The following RNF170 variants were observed in gnomAD, a reference collection of about 807,000 sequenced individuals.
RNF170 encodes the protein E3 ubiquitin-protein ligase RNF170.
RNF170 carries 12 observed loss-of-function variants against 32.7 expected under a neutral mutation model. That is an observed-to-expected ratio of 0.37 (90% CI 0.24 to 0.60). The LOEUF (loss-of-function observed/expected upper bound fraction) is 0.60, where lower values mean the gene tolerates loss of function less well. Ranked by LOEUF, RNF170 falls within the 20% of genes least tolerant of loss-of-function variation. The pLI is 0.72. For synonymous variants in RNF170, 91 were observed against 103.6 expected (o/e 0.88, Z 0.74); for missense variants, 212 against 311.2 (o/e 0.68, Z 2.40).
intron 3 of RNF170, among the ~76,000 whole-genome samples, chr8:42,870,584 A>C (rs1804449389): frequency 6.6e-6 from 1 of 152,034 alleles, no homozygotes; most frequent in Non-Finnish European, 1.5e-5. Flanking sequence ...AAAATTAGCC[A>C]GGAGTGGTGG....
At chr8:42,888,198 T>C (rs559732046) in intron 1 of RNF170, among the ~76,000 whole-genome samples, 17 of 152,046 alleles carry the variant, frequency 1.1e-4, no homozygotes, top group African/African-American at 4.1e-4. Flanking sequence ...CCCAAGTAGC[T>C]GGGACTACAG....
chr8:42,853,744 A>G lies in RNF170; in HGVS notation c.*2415T>C. 7.8e-7 allele frequency: 1 copy of G among 1,287,234 alleles called. No homozygotes were observed. The highest frequency in any genetic ancestry group is 1.0e-6 in the Non-Finnish European group (1 of 988,672). 79.7% of individuals were successfully genotyped at this position (1,287,234 alleles called of 1,614,324 possible). Reference sequence around the variant, plus strand: ...CTCTCAGATCCCTTCTGCATTTATCATCAGAGATCGGTAAAGATGACAACA... The same window carrying G: ...CTCTCAGATCCCTTCTGCATTTATCGTCAGAGATCGGTAAAGATGACAACA... On this transcript the variant is annotated 3_prime_UTR_variant, in exon 7 of 7. Coordinates refer to ENST00000527424, the MANE Select transcript of RNF170 (RefSeq NM_030954.4).
chr8:42,875,747 T>G (rs907484303), intron 2 of RNF170, among the ~76,000 whole-genome samples: 1 of 152,154 alleles, frequency 6.6e-6, no homozygotes, highest in African/African-American at 2.4e-5. Context: ...TGGCTAATTT[T>G]TGTATTTTTA....
chr8:42,863,980 AGTGTGTGTGTGTGTGTGTGT>A (rs71231874), intron 5 of RNF170, among the ~76,000 whole-genome samples: 1 of 139,512 alleles, frequency 7.2e-6, no homozygotes, highest in African/African-American at 2.7e-5. Context: ...AGAGAGAGAG[AGTGTGTGTGTGTGTGTGTGT>A]GTGTGTGTGT....
intron 6 of RNF170, among the ~76,000 whole-genome samples, chr8:42,858,728 C>T (rs1279585751): frequency 1.3e-5 from 2 of 152,178 alleles, no homozygotes; most frequent in African/African-American, 4.8e-5. Flanking sequence ...GAGGAAGTGT[C>T]AGGTGTGACA....
chr8:42,851,577 AAAAG>A (rs1472272505), downstream of RNF170, among the ~76,000 whole-genome samples: 108 of 151,306 alleles, frequency 7.1e-4, 1 homozygote, highest in South Asian at 9.6e-3. Context: ...AAAAAAAAAA[AAAAG>A]AAAGAAAAAG....
chr8:42,855,513 GT>G lies in RNF170; in HGVS notation c.*645del. Reference sequence around the variant, plus strand: ...GGCGTGAGCCACCCCGCCCGGCCATGTTTTTCATCTTAATTCTTCTATTGAT... The same window carrying G: ...GGCGTGAGCCACCCCGCCCGGCCATGTTTTCATCTTAATTCTTCTATTGAT... On this transcript the variant is annotated 3_prime_UTR_variant, in exon 7 of 7. Coordinates refer to ENST00000527424, the MANE Select transcript of RNF170 (RefSeq NM_030954.4). 1.6e-6 allele frequency: 2 copies of G among 1,279,428 alleles called. No individual in the cohort carries two copies. The highest frequency in any genetic ancestry group is 2.0e-6 in the Non-Finnish European group (2 of 981,512). The allele number at this position is 1,279,428 out of a possible 1,614,324, so 79.3% of individuals were successfully genotyped here. A position where few individuals can be genotyped will look rare whatever the true frequency, so the allele number is the denominator to read the frequency against.
At chr8:42,875,986 G>C (rs1045879940) in intron 2 of RNF170, among the ~76,000 whole-genome samples, 6 of 152,092 alleles carry the variant, frequency 3.9e-5, no homozygotes, top group African/African-American at 1.4e-4. Flanking sequence ...CCCTGTCAAG[G>C]AGCAATCTAA....
chr8:42,854,801 C>T lies in RNF170; in HGVS notation c.*1358G>A, dbSNP rs939090835. 1.9e-5 allele frequency: 24 copies of T among 1,287,328 alleles called. No individual in the cohort carries two copies. Among genetic ancestry groups the T allele is most frequent in the East Asian group, 5.5e-5 (1 of 18,034 alleles). The allele number at this position is 1,287,328 out of a possible 1,614,324, so 79.7% of individuals were successfully genotyped here. A position where few individuals can be genotyped will look rare whatever the true frequency, so the allele number is the denominator to read the frequency against. Reference sequence around the variant, plus strand: ...CTGTCATACATTCACTAATGAGCAACGCCAGCTGAAGTGAGTAAGATCTCC... The same window carrying T: ...CTGTCATACATTCACTAATGAGCAATGCCAGCTGAAGTGAGTAAGATCTCC... On this transcript the variant is annotated 3_prime_UTR_variant, in exon 7 of 7. Transcript: ENST00000527424.
Position 42,855,798 on chromosome 8 carries a change from G to A in RNF170, c.*361C>T. On this transcript the variant is annotated 3_prime_UTR_variant, in exon 7 of 7. Transcript: ENST00000527424. ...AGGTACCTGCTGAGAAGGATAAGATGGATAAACTGACATTTAACAATATTT... is the reference window on the plus strand; with the variant it reads ...AGGTACCTGCTGAGAAGGATAAGATAGATAAACTGACATTTAACAATATTT... 8.0e-7 allele frequency: 1 copy of A among 1,243,868 alleles called. No individual in the cohort carries two copies. The highest frequency in any genetic ancestry group is 1.0e-6 in the Non-Finnish European group (1 of 954,256). 77.1% of individuals were successfully genotyped at this position (1,243,868 alleles called of 1,614,324 possible). A position where few individuals can be genotyped will look rare whatever the true frequency, so the allele number is the denominator to read the frequency against.
At chr8:42,864,464 C>T (rs1341873148) in intron 5 of RNF170, among the ~76,000 whole-genome samples, 1 of 152,048 alleles carries the variant, frequency 6.6e-6, no homozygotes, top group African/African-American at 2.4e-5. Flanking sequence ...GTACAACTGA[C>T]ACAATGTCCT....
intron 6 of RNF170, among the ~76,000 whole-genome samples, chr8:42,858,404 G>A (rs1803403768): frequency 6.6e-6 from 1 of 152,150 alleles, no homozygotes; most frequent in Non-Finnish European, 1.5e-5. Context: ...ATTCGGCTGG[G>A]AGCAGCAGTA....
chr8:42,856,005 T>C lies in RNF170; in HGVS notation c.*154A>G. 1 of 1,513,664 alleles carries C rather than the reference T, an allele frequency of 6.6e-7. No individual in the cohort carries two copies. The highest frequency in any genetic ancestry group is 8.9e-7 in the Non-Finnish European group (1 of 1,127,040). The allele number at this position is 1,513,664 out of a possible 1,614,324, so 93.8% of individuals were successfully genotyped here. Reference sequence around the variant, plus strand: ...TGAAAATTCCAGTTATACCTAGGTATTTGTCAAATGATAATCAAATGTTTG... The same window carrying C: ...TGAAAATTCCAGTTATACCTAGGTACTTGTCAAATGATAATCAAATGTTTG... On this transcript the variant is annotated 3_prime_UTR_variant, in exon 7 of 7. Transcript: ENST00000527424.
In RNF170 at chr8:42,854,914, C is replaced by T. The variant is rs1803130132; in HGVS notation, c.*1245G>A. On this transcript the variant is annotated 3_prime_UTR_variant, in exon 7 of 7. Transcript: ENST00000527424. ...TGAGCTGTGTGCTGCCATCCTGAGACAGTATTATAAAAATTTCTGACAACA... is the reference window on the plus strand; with the variant it reads ...TGAGCTGTGTGCTGCCATCCTGAGATAGTATTATAAAAATTTCTGACAACA... The T allele has an allele frequency of 7.8e-7, 1 of 1,287,114 alleles. No individual in the cohort carries two copies. Among genetic ancestry groups the T allele is most frequent in the African/African-American group, 1.5e-5 (1 of 65,782 alleles). The allele number at this position is 1,287,114 out of a possible 1,614,324, so 79.7% of individuals were successfully genotyped here.
At chr8:42,879,506 C>T (rs1305401049) in intron 2 of RNF170, among the ~76,000 whole-genome samples, 1 of 151,820 alleles carries the variant, frequency 6.6e-6, no homozygotes, top group Non-Finnish European at 1.5e-5. Context: ...CAAAAATTAG[C>T]CAAGCACGGT....
chr8:42,866,293 G>C (rs569810650), intron 4 of RNF170, among the ~76,000 whole-genome samples: 10 of 152,260 alleles, frequency 6.6e-5, no homozygotes. Context: ...TGTAATCCCA[G>C]CACTATGGGT....
chr8:42,897,209 G>A, upstream of RNF170: 1 of 1,237,534 alleles, frequency 8.1e-7, no homozygotes, highest in South Asian at 4.1e-5. Flanking sequence ...GCCGCGGGCC[G>A]GCGGGAAGAC....
rs1311593661 is a variant in RNF170, at chr8:42,855,406, T to C, written c.*753A>G. The C allele has an allele frequency of 1.5e-6, 1 of 670,372 alleles. No individual in the cohort carries two copies. The highest frequency in any genetic ancestry group is 2.2e-6 in the Non-Finnish European group (1 of 445,788). 41.5% of individuals were successfully genotyped at this position (670,372 alleles called of 1,614,324 possible). On this transcript the variant is annotated 3_prime_UTR_variant, in exon 7 of 7. Transcript: ENST00000527424. ...TTTTGTATTTTTAGTAGAGACGGGG[T>C]TTCACCATGTTAGCCAGGATGGTCC... is the stretch of plus-strand genomic sequence containing the variant.
intron 1 of RNF170, 32 bp downstream of exon 1, chr8:42,896,452 G>A (rs773872009): frequency 4.4e-6 from 2 of 453,646 alleles, no homozygotes; most frequent in East Asian, 7.0e-5. Context: ...GGCCCCGATA[G>A]GGTGGGCGTG....
Sources: allele counts gnomAD v4.1 joint callset (sites outside exome capture counted in the v4.1 genomes callset), GRCh38; gene constraint gnomAD v4.1.1; transcripts MANE v1.5; gene names NCBI Gene and HGNC (gene_info 2026-07-23, HGNC 2026-07-21).